Variants in SPAG1 observed in about 807,000 individuals in gnomAD.
SPAG1 encodes sperm associated antigen 1, also known as sperm-associated antigen 1.
In SPAG1, 69 loss-of-function variants were observed where a neutral mutation model predicts 100.5. The ratio of observed to expected loss-of-function variants is 0.69; its 90% CI spans 0.57 to 0.84. The LOEUF is 0.84. Among genes scored for constraint, SPAG1 ranks in the 40% least tolerant of loss-of-function variants. SPAG1 has a pLI of 0.00. For synonymous variants in SPAG1, 336 were observed against 411.6 expected, an observed-to-expected ratio of 0.82 and a Z score of 2.22; for missense variants, 955 against 1,133.1, an observed-to-expected ratio of 0.84 and a Z score of 2.26.
intron 14 of SPAG1, among the ~76,000 whole-genome samples, chr8:100,229,588 T>G (rs1287734416): frequency 6.6e-6 from 1 of 152,210 alleles, no homozygotes; most frequent in Admixed American, 6.5e-5. Context: ...CTGAATGGCT[T>G]AGACCTGGGG....
intron 10 of SPAG1, among the ~76,000 whole-genome samples, chr8:100,204,795 CTCTG>C (rs1173988947): frequency 6.6e-6 from 1 of 152,152 alleles, no homozygotes; most frequent in Non-Finnish European, 1.5e-5. Context: ...AATTGCTCTT[CTCTG>C]TATGTCAGAC....
chr8:100,184,829 A>G, intron 7 of SPAG1, 96 bp downstream of exon 7: 1 of 688,012 alleles, frequency 1.5e-6, no homozygotes, highest in Non-Finnish European at 2.4e-6. Context: ...TCTATGTCAG[A>G]ATCTCTCAAT....
At chr8:100,186,109 A>C (rs1434970021) in intron 7 of SPAG1, among the ~76,000 whole-genome samples, 2 of 122,924 alleles carry the variant, frequency 1.6e-5, no homozygotes, top group African/African-American at 6.5e-5. Flanking sequence ...TCTGTTATCC[A>C]GGCAAGAGTG....
rs771603727 is a variant in SPAG1, at chr8:100,225,311, C to T, written c.1827C>T (p.Ser609=). The T allele has an allele frequency of 1.2e-6, 2 of 1,613,632 alleles. No homozygotes were observed. Among genetic ancestry groups the T allele is most frequent in the African/African-American group, 2.7e-5 (2 of 74,878 alleles). Residue 609 remains serine (S), a synonymous_variant, in exon 14 of 19, where the codon TCC becomes TCT. Transcript: ENST00000388798. ...KEMISKQAGD[S]SSHRQQGITD... is the part of the protein sequence containing the mutation. The stretch of plus-strand genomic sequence containing the variant: ...TGATCTCAAAACAAGCAGGAGACTC[C>T]AGCAGCCATCGCCAGCAGGGCATCA...
intron 9 of SPAG1, among the ~76,000 whole-genome samples, chr8:100,193,116 T>C (rs1249262108): frequency 6.6e-6 from 1 of 152,160 alleles, no homozygotes; most frequent in Non-Finnish European, 1.5e-5. Context: ...ATATTGGACT[T>C]CATCAAAATT....
intron 13 of SPAG1, among the ~76,000 whole-genome samples, chr8:100,221,763 G>A (rs1372490686): frequency 6.6e-6 from 1 of 152,202 alleles, no homozygotes; most frequent in East Asian, 1.9e-4. Context: ...AGGGGGCTTT[G>A]AAGGATGCTG....
At chr8:100,223,688 A>G (rs1818381028) in intron 13 of SPAG1, among the ~76,000 whole-genome samples, 1 of 151,572 alleles carries the variant, frequency 6.6e-6, no homozygotes, top group South Asian at 2.1e-4. Context: ...ATTTCCCTGC[A>G]TATACTTATT....
intron 12 of SPAG1, among the ~76,000 whole-genome samples, chr8:100,218,107 C>A (rs1221261316): frequency 2.6e-5 from 4 of 152,128 alleles, no homozygotes; most frequent in African/African-American, 4.8e-5. Flanking sequence ...TCTGCTTTTT[C>A]TTATCTTTGC....
chr8:100,189,344 G>A (rs546447966), intron 8 of SPAG1, among the ~76,000 whole-genome samples: 1 of 152,234 alleles, frequency 6.6e-6, no homozygotes, highest in African/African-American at 2.4e-5. Context: ...GGGCATGGTG[G>A]CAGGCACCTG....
At chr8:100,200,575 C>T (rs367596654) in intron 10 of SPAG1, among the ~76,000 whole-genome samples, 19 of 152,158 alleles carry the variant, frequency 1.2e-4, no homozygotes, top group Admixed American at 7.2e-4. Context: ...AGTGTAAAAG[C>T]GTTTCTATTT....
chr8:100,194,992 C>A (rs1264868264), intron 10 of SPAG1, among the ~76,000 whole-genome samples: 1 of 152,048 alleles, frequency 6.6e-6, no homozygotes, highest in Admixed American at 6.5e-5. Flanking sequence ...TGGTGAAACC[C>A]TGTCTCTACT....
intron 15 of SPAG1, 97 bp from the exon 16 acceptor site, chr8:100,233,314 C>T: frequency 7.6e-7 from 1 of 1,315,482 alleles, no homozygotes; most frequent in Admixed American, 1.8e-5. Context: ...TAGCAACAGA[C>T]ATATTGAGCT....
Position 100,239,164 on chromosome 8 carries a change from C to A in SPAG1, c.2116-76C>A. On this transcript the variant is annotated intron_variant, in intron 16 of 18. Transcript: ENST00000388798. The surrounding 1 kb of genome is among the most constrained non-coding windows in gnomAD (Gnocchi z 5.0). ...ACACATACTGCACAGCTCACTACAT[C>A]CACCCCACTCCCACTCAGGTTACTC... The A allele has an allele frequency of 1.1e-6, 1 of 871,534 alleles. No individual in the cohort carries two copies. The highest frequency in any genetic ancestry group is 1.8e-6 in the Non-Finnish European group (1 of 562,730). The allele number at this position is 871,534 out of a possible 1,614,324, so 54.0% of individuals were successfully genotyped here. A position where few individuals can be genotyped will look rare whatever the true frequency, so the allele number is the denominator to read the frequency against.
intron 3 of SPAG1, among the ~76,000 whole-genome samples, chr8:100,167,290 T>C (rs1189400893): frequency 2.6e-5 from 4 of 152,258 alleles, no homozygotes; most frequent in Non-Finnish European, 5.9e-5. Flanking sequence ...TGGGGCATAC[T>C]TTCCAAGACC....
At chr8:100,169,226 T>C (rs1815710331) in intron 3 of SPAG1, among the ~76,000 whole-genome samples, 1 of 152,186 alleles carries the variant, frequency 6.6e-6, no homozygotes, top group Admixed American at 6.5e-5. Context: ...TAATAAAATA[T>C]TATCTTTAAA....
At chr8:100,194,329 T>C in intron 10 of SPAG1, 61 bp downstream of exon 10, 1 of 1,563,776 alleles carries the variant, frequency 6.4e-7, no homozygotes, top group South Asian at 1.2e-5. Context: ...ATGAGCTGGC[T>C]CAATTTTTCT....
In SPAG1 at chr8:100,186,801, G is replaced by A. The variant is rs7822587; in HGVS notation, c.702-319G>A. On this transcript the variant is annotated intron_variant, in intron 7 of 18. Transcript: ENST00000388798. Reference sequence around the variant, plus strand: ...CTCTCTCCTTGGCTTGTAGGTGGCCGTCTTCTCCCAGTGACTTCACAGTCT... The same window carrying A: ...CTCTCTCCTTGGCTTGTAGGTGGCCATCTTCTCCCAGTGACTTCACAGTCT... Among the ~76,000 whole-genome samples, 25,643 of 152,024 alleles carry A rather than the reference G, an allele frequency of 0.17. 2,472 individuals carry two copies. Among genetic ancestry groups the A allele is most frequent in the South Asian group, 0.23 (1,100 of 4,820 alleles).
intron 16 of SPAG1, among the ~76,000 whole-genome samples, chr8:100,234,105 G>A (rs1447252927): frequency 2.0e-5 from 3 of 152,158 alleles, no homozygotes; most frequent in African/African-American, 7.2e-5. Flanking sequence ...TCTTCACACA[G>A]ATTCTTCTGC....
intron 3 of SPAG1, among the ~76,000 whole-genome samples, chr8:100,172,393 C>T (rs902318355): frequency 1.3e-5 from 2 of 152,026 alleles, no homozygotes; most frequent in African/African-American, 2.4e-5. Flanking sequence ...CCGAGGCAGG[C>T]GGATCACCTG....
Sources: gnomAD v4.1 joint callset for allele counts (sites outside exome capture counted in the v4.1 genomes callset) on GRCh38, gnomAD v4.1.1 for gene constraint, Gnocchi (gnomAD v3.1) non-coding constraint, MANE v1.5 for transcripts, NCBI Gene and HGNC (gene_info 2026-07-23, HGNC 2026-07-21) for gene names.